CNTN5: variants seen among roughly 807,000 people sequenced by gnomAD.
CNTN5 encodes the protein contactin 5, also known as contactin-5.
CNTN5 carries 77 observed loss-of-function variants against 129.1 expected under a neutral mutation model. The observed-to-expected ratio is 0.60, with a 90% CI of 0.50 to 0.72. The LOEUF (loss-of-function observed/expected upper bound fraction) is 0.72, where lower values mean the gene tolerates loss of function less well. Ranked by LOEUF, CNTN5 falls within the 30% of genes least tolerant of loss-of-function variation. The probability of loss-of-function intolerance (pLI) is 0.00; values close to 1 mark genes in which losing one functional copy is unlikely to be tolerated. For synonymous variants in CNTN5, 509 were observed against 465.6 expected, an observed-to-expected ratio of 1.09 and a Z score of -1.20; for missense variants, 1,478 against 1,328.8, an observed-to-expected ratio of 1.11 and a Z score of -1.75.
intron 1 of CNTN5, among the ~76,000 whole-genome samples, chr11:99,301,518 A>G (rs1369792914): frequency 6.6e-6 from 1 of 151,822 alleles, no homozygotes. Context: ...TTATAAAAAT[A>G]GTATCAATTC....
intron 6 of CNTN5, among the ~76,000 whole-genome samples, chr11:99,851,811 CTTTAA>C (rs1947882864): frequency 6.6e-6 from 1 of 152,164 alleles, no homozygotes; most frequent in South Asian, 2.1e-4. Flanking sequence ...GATTTAAGCC[CTTTAA>C]TTTAACCTTT....
chr11:99,045,331 C>A (rs1864163150), intron 1 of CNTN5, among the ~76,000 whole-genome samples: 1 of 152,164 alleles, frequency 6.6e-6, no homozygotes, highest in African/African-American at 2.4e-5. Context: ...TGACTGCATG[C>A]CTGATAGCAT....
intron 3 of CNTN5, among the ~76,000 whole-genome samples, chr11:99,580,851 A>T: frequency 1.6e-5 from 2 of 125,422 alleles, no homozygotes; most frequent in African/African-American, 6.1e-5. Context: ...CTCTGATCTT[A>T]GTTATTTCTT....
intron 3 of CNTN5, among the ~76,000 whole-genome samples, chr11:99,622,696 T>C (rs1351803968): frequency 6.6e-6 from 1 of 152,136 alleles, no homozygotes; most frequent in Non-Finnish European, 1.5e-5. Context: ...CATTGTATTC[T>C]TAAATTTGGG....
chr11:99,692,069 T>C (rs1264996612), intron 3 of CNTN5, among the ~76,000 whole-genome samples: 1 of 152,198 alleles, frequency 6.6e-6, no homozygotes, highest in African/African-American at 2.4e-5. Context: ...CAACCCCTGC[T>C]TTTTTAGGTT....
rs763127732 is a variant in CNTN5, at chr11:99,978,463, G to A, written c.877+21454G>A. Among the ~76,000 whole-genome samples, 9 of 152,192 alleles carry A rather than the reference G, an allele frequency of 5.9e-5. No individual in the cohort carries two copies. In the East Asian group the frequency reaches 1.5e-3, roughly 26 times the overall value. The stretch of plus-strand genomic sequence containing the variant: ...CACTCACTGGCTCACCCAGAGCAAC[G>A]TCTGGTCCTGCAAGTGCTATTTGTA... On this transcript the variant is annotated intron_variant, in intron 8 of 24. Transcript: ENST00000524871.
intron 13 of CNTN5, among the ~76,000 whole-genome samples, chr11:100,168,853 A>T (rs913955148): frequency 6.6e-6 from 1 of 151,954 alleles, no homozygotes; most frequent in Admixed American, 6.6e-5. Context: ...TGTAGATGCC[A>T]TTAAGAACAT....
intron 9 of CNTN5, among the ~76,000 whole-genome samples, chr11:100,046,256 G>GA (rs1942669417): frequency 6.6e-6 from 1 of 152,114 alleles, no homozygotes; most frequent in South Asian, 2.1e-4. Context: ...CTGATTAATA[G>GA]AAAAAACAAT....
At chr11:99,691,443 T>A (rs1035190398) in intron 3 of CNTN5, among the ~76,000 whole-genome samples, 2 of 152,110 alleles carry the variant, frequency 1.3e-5, no homozygotes, top group African/African-American at 4.8e-5. Context: ...TTCTGATGCA[T>A]TGTATCTTTG....
intron 2 of CNTN5, among the ~76,000 whole-genome samples, chr11:99,393,753 G>T (rs193027794): frequency 9.2e-5 from 14 of 151,618 alleles, no homozygotes; most frequent in Non-Finnish European, 1.9e-4. Flanking sequence ...AAACATATGA[G>T]TTCTATAGTA....
At chr11:99,849,549 A>G (rs1947808121) in intron 6 of CNTN5, among the ~76,000 whole-genome samples, 1 of 152,116 alleles carries the variant, frequency 6.6e-6, no homozygotes, top group Non-Finnish European at 1.5e-5. Context: ...AATGTCATAG[A>G]GACTAAAATC....
chr11:99,551,488 T>C (rs981383757), intron 2 of CNTN5, among the ~76,000 whole-genome samples: 1 of 152,148 alleles, frequency 6.6e-6, no homozygotes, highest in African/African-American at 2.4e-5. Context: ...CTAGAGATTG[T>C]GTAGGTAAAG....
chr11:100,024,187 G>A (rs2137578186), intron 9 of CNTN5, among the ~76,000 whole-genome samples: 1 of 152,222 alleles, frequency 6.6e-6, no homozygotes, highest in African/African-American at 2.4e-5. Flanking sequence ...TAGTGAGTGA[G>A]TTCTCATGAG....
intron 9 of CNTN5, among the ~76,000 whole-genome samples, chr11:100,039,140 A>T (rs1081359): frequency 6.6e-6 from 1 of 152,028 alleles, no homozygotes; most frequent in East Asian, 1.9e-4. Context: ...TGCTTCCTTC[A>T]GTAGCTCTTT....
At chr11:99,294,022 CTT>C (rs1052607956) in intron 1 of CNTN5, among the ~76,000 whole-genome samples, 3 of 151,270 alleles carry the variant, frequency 2.0e-5, no homozygotes, top group African/African-American at 7.3e-5. Flanking sequence ...TATTTGAAGT[CTT>C]TTTTTATACT....
intron 4 of CNTN5, 191 bp from the exon 5 acceptor site, chr11:99,844,661 A>G (rs190110023): frequency 3.4e-6 from 2 of 584,658 alleles, no homozygotes; most frequent in Non-Finnish European, 6.0e-6. Context: ...TAGTTGATTA[A>G]AAATTATATT....
intron 3 of CNTN5, among the ~76,000 whole-genome samples, chr11:99,806,385 A>G (rs1591219848): frequency 6.6e-6 from 1 of 152,204 alleles, no homozygotes. Flanking sequence ...TTTACTTATA[A>G]AAGTGCCATG....
At chr11:99,701,376 A>G (rs2134871170) in intron 3 of CNTN5, among the ~76,000 whole-genome samples, 1 of 151,364 alleles carries the variant, frequency 6.6e-6, no homozygotes, top group African/African-American at 2.4e-5. Context: ...TGATATAACC[A>G]TCTATTTTTT....
At chr11:100,209,085 C>T (rs976646020) in intron 15 of CNTN5, among the ~76,000 whole-genome samples, 1 of 152,176 alleles carries the variant, frequency 6.6e-6, no homozygotes, top group African/African-American at 2.4e-5. Flanking sequence ...TCTCACTGAC[C>T]TATCCAAGTC....
Sources: gnomAD v4.1 joint callset for allele counts (sites outside exome capture counted in the v4.1 genomes callset) on GRCh38, gnomAD v4.1.1 for gene constraint, MANE v1.5 for transcripts, NCBI Gene and HGNC (gene_info 2026-07-23, HGNC 2026-07-21) for gene names.